SEMA6D: variants seen among roughly 807,000 people sequenced by gnomAD.
The protein encoded by SEMA6D is semaphorin-6D.
A neutral mutation model predicts 106.6 loss-of-function variants in SEMA6D; 35 were observed. The observed-to-expected ratio is 0.33, with a 90% CI of 0.25 to 0.44. The LOEUF is 0.44. Among genes scored for constraint, SEMA6D ranks in the 20% least tolerant of loss-of-function variants. SEMA6D has a pLI of 1.00. For synonymous variants in SEMA6D, 499 were observed against 487.7 expected, an observed-to-expected ratio of 1.02 and a Z score of -0.31; for missense variants, 1,185 against 1,345.9, an observed-to-expected ratio of 0.88 and a Z score of 1.87.
At chr15:47,591,445 G>A (rs1198567913) in intron 3 of SEMA6D, among the ~76,000 whole-genome samples, 3 of 152,148 alleles carry the variant, frequency 2.0e-5, no homozygotes, top group Admixed American at 2.0e-4. Context: ...AAGAACTGCT[G>A]GGGCCTGGCT....
intron 2 of SEMA6D, among the ~76,000 whole-genome samples, chr15:47,437,612 T>C (rs2041761115): frequency 6.6e-6 from 1 of 152,086 alleles, no homozygotes; most frequent in African/African-American, 2.4e-5. Flanking sequence ...AAAAGAAGTG[T>C]CTCTCACCTT....
chr15:47,761,879 C>A, intron 7 of SEMA6D, 128 bp downstream of exon 7: 1 of 808,200 alleles, frequency 1.2e-6, no homozygotes, highest in Non-Finnish European at 1.9e-6. Context: ...AGGCTAGAAT[C>A]TATGCACAAA....
At chr15:47,732,464 T>C (rs188602213) in intron 1 of SEMA6D, among the ~76,000 whole-genome samples, 1 of 152,268 alleles carries the variant, frequency 6.6e-6, no homozygotes, top group Non-Finnish European at 1.5e-5. Flanking sequence ...TTTCCCGGGC[T>C]CTCATTGGAT....
At chr15:47,669,859 A>G (rs1358013999) in intron 4 of SEMA6D, among the ~76,000 whole-genome samples, 2 of 152,220 alleles carry the variant, frequency 1.3e-5, no homozygotes, top group East Asian at 1.9e-4. Flanking sequence ...AACGCTTAGC[A>G]GCTGTTACCA....
At chr15:47,707,099 A>G (rs2078926822) in intron 4 of SEMA6D, among the ~76,000 whole-genome samples, 1 of 152,216 alleles carries the variant, frequency 6.6e-6, no homozygotes, top group Admixed American at 6.5e-5. Flanking sequence ...TCAAGAGGTG[A>G]TTCTTTTTCC....
intron 1 of SEMA6D, among the ~76,000 whole-genome samples, chr15:47,239,452 G>A (rs1467772803): frequency 1.3e-5 from 2 of 152,066 alleles, no homozygotes; most frequent in Non-Finnish European, 2.9e-5. Context: ...TGTCTTCTAC[G>A]AAACCAGTCC....
chr15:47,299,364 A>ATGTGTTAT (rs1183904383), intron 1 of SEMA6D, among the ~76,000 whole-genome samples: 1 of 152,244 alleles, frequency 6.6e-6, no homozygotes. Context: ...AATTTGCCTC[A>ATGTGTTAT]CAGCACATAA....
Position 47,552,831 on chromosome 15 carries a change from TA to T in SEMA6D, c.-86-48033del, listed in dbSNP as rs1227324286. 4.4e-3 allele frequency among the ~76,000 whole-genome samples: 321 copies of T among 72,488 alleles called. 18 individuals are homozygous for T. Among genetic ancestry groups the T allele is most frequent in the African/African-American group, 0.028 (305 of 10,760 alleles). 47.6% of individuals were successfully genotyped at this position (72,488 alleles called of 152,430 possible). On this transcript the variant is annotated intron_variant, in intron 3 of 19. Transcript: ENST00000558014. The stretch of plus-strand genomic sequence containing the variant: ...AAATATATATAAATATATATATTTT[TA>T]TATATATATAAATATATATAAATAT...
chr15:47,676,425 G>T (rs971715712), intron 4 of SEMA6D, among the ~76,000 whole-genome samples: 6 of 152,138 alleles, frequency 3.9e-5, no homozygotes, highest in Admixed American at 3.3e-4. Context: ...GCTCCTTTAA[G>T]CAATCTTTTG....
chr15:47,224,899 G>A (rs2031521130), intron 1 of SEMA6D, among the ~76,000 whole-genome samples: 1 of 151,696 alleles, frequency 6.6e-6, no homozygotes, highest in South Asian at 2.1e-4. Flanking sequence ...CTTGCTGCTC[G>A]GTGAAGACAT....
In SEMA6D at chr15:47,623,251, T is replaced by A. The variant is rs562050820; in HGVS notation, c.-55+22355T>A. Among the ~76,000 whole-genome samples the A allele has an allele frequency of 2.6e-5, 4 of 152,340 alleles. No individual in the cohort carries two copies. The East Asian group carries it at 5.8e-4, about 22-fold the overall frequency. ...TGCCCTGCCCAGTCTCAGCCTCATG[T>A]GTTAGCTGGGTCTTCTGTTATTTGT... is the stretch of plus-strand genomic sequence containing the variant. On this transcript the variant is annotated intron_variant, in intron 4 of 19. Coordinates refer to the SEMA6D transcript ENST00000558014.
At chr15:47,347,864 A>G (rs967908868) in intron 1 of SEMA6D, among the ~76,000 whole-genome samples, 3 of 152,194 alleles carry the variant, frequency 2.0e-5, no homozygotes, top group Non-Finnish European at 4.4e-5. Flanking sequence ...GTATTAAGAA[A>G]TTCAGTGGCA....
chr15:47,202,025 G>GA (rs776734493), intron 1 of SEMA6D, among the ~76,000 whole-genome samples: 46 of 152,016 alleles, frequency 3.0e-4, no homozygotes, highest in Admixed American at 1.4e-3. Flanking sequence ...CTTTGTTTGG[G>GA]AAATTGCTTG....
At position 47,477,244 on chromosome 15, in the gene SEMA6D, T is replaced by G. The variant is rs1259052307; in HGVS notation, c.-87+6699T>G. Among the ~76,000 whole-genome samples the G allele has an allele frequency of 5.9e-5, 9 of 152,328 alleles. No homozygotes were observed. The East Asian group carries it at 1.7e-3, about 29-fold the overall frequency. The stretch of plus-strand genomic sequence containing the variant: ...TGCTGGAGTCTGCATGTAAATTATG[T>G]TATCAGTCCCGTCCTAATAACCTGG... On this transcript the variant is annotated intron_variant, in intron 3 of 19. Transcript: ENST00000558014.
chr15:47,514,800 C>T (rs2044336882), intron 3 of SEMA6D, among the ~76,000 whole-genome samples: 2 of 152,118 alleles, frequency 1.3e-5, no homozygotes, highest in Admixed American at 6.6e-5. Context: ...GAGTAAAAGT[C>T]CTTTACAATG....
chr15:47,537,488 TTTAGA>T (rs2045207912), intron 3 of SEMA6D, among the ~76,000 whole-genome samples: 1 of 152,082 alleles, frequency 6.6e-6, no homozygotes, highest in African/African-American at 2.4e-5. Context: ...TTAGGCAGAG[TTTAGA>T]TTAGGTAATA....
chr15:47,366,349 T>C (rs747637897), intron 1 of SEMA6D, among the ~76,000 whole-genome samples: 4 of 152,200 alleles, frequency 2.6e-5, no homozygotes, highest in Non-Finnish European at 5.9e-5. Flanking sequence ...AGTGTGAACC[T>C]GCAAAGCCAC....
chr15:47,741,163 CTT>C (rs2147033944), intron 1 of SEMA6D, among the ~76,000 whole-genome samples: 1 of 152,262 alleles, frequency 6.6e-6, no homozygotes, highest in Non-Finnish European at 1.5e-5. Context: ...TCTGTGTTAT[CTT>C]TCTCTGCTGC....
intron 4 of SEMA6D, among the ~76,000 whole-genome samples, chr15:47,679,606 G>A (rs1737688973): frequency 6.6e-6 from 1 of 151,860 alleles, no homozygotes; most frequent in Non-Finnish European, 1.5e-5. Context: ...TTTTTGTTTT[G>A]TTTTGTTTTT....
Sources: allele counts gnomAD v4.1 joint callset (sites outside exome capture counted in the v4.1 genomes callset), GRCh38; gene constraint gnomAD v4.1.1; transcripts MANE v1.5; gene names NCBI Gene and HGNC (gene_info 2026-07-23, HGNC 2026-07-21).